The following PDE3B variants were observed in gnomAD, a reference collection of about 807,000 sequenced individuals.
PDE3B encodes the protein cGMP-inhibited 3',5'-cyclic phosphodiesterase 3B.
In PDE3B, 66 loss-of-function variants were observed where a neutral mutation model predicts 116.8. That is an observed-to-expected ratio of 0.56 (90% CI 0.46 to 0.69). The LOEUF (loss-of-function observed/expected upper bound fraction) is 0.69. Ranked by LOEUF, PDE3B falls within the 30% of genes least tolerant of loss-of-function variation. The pLI is 0.00. For synonymous variants in PDE3B, 595 were observed against 533.6 expected (o/e 1.12, Z -1.59); for missense variants, 1,384 against 1,368.1 (o/e 1.01, Z -0.18).
downstream of PDE3B, among the ~76,000 whole-genome samples, chr11:14,874,865 C>A (rs552075503): frequency 6.6e-6 from 1 of 152,220 alleles, no homozygotes; most frequent in South Asian, 2.1e-4. Context: ...CAAGGCTAGT[C>A]CTTTTGTTGA....
chr11:14,741,823 G>T (rs1409836743), intron 1 of PDE3B, among the ~76,000 whole-genome samples: 3 of 152,184 alleles, frequency 2.0e-5, no homozygotes, highest in East Asian at 3.9e-4. Context: ...GTCTGTAAAG[G>T]ATTTTATTTT....
intron 2 of PDE3B, among the ~76,000 whole-genome samples, chr11:14,782,766 T>G (rs1219978818): frequency 6.6e-6 from 1 of 152,136 alleles, no homozygotes; most frequent in Admixed American, 6.6e-5. Flanking sequence ...AAATGGGATC[T>G]AATTAAACTA....
In PDE3B at chr11:14,708,772, T is replaced by TTA. The variant is rs747025383; in HGVS notation, c.979-63152_979-63151dup. On this transcript the variant is annotated intron_variant, in intron 1 of 15. Transcript: ENST00000282096. Reference sequence around the variant, plus strand: ...TACTCTAAAAAAGTTCAGGGGTGAATTATATATATATATAGAGAGAGAGAA... The same window carrying TTA: ...TACTCTAAAAAAGTTCAGGGGTGAATTATATATATATATATAGAGAGAGAGAA... Among the ~76,000 whole-genome samples the TTA allele has an allele frequency of 1.7e-3, 251 of 151,000 alleles. 1 individual carries two copies. Among genetic ancestry groups the TTA allele is most frequent in the African/African-American group, 2.2e-3 (91 of 41,204 alleles).
chr11:14,761,907 T>C (rs574269131), intron 1 of PDE3B, among the ~76,000 whole-genome samples: 4 of 152,174 alleles, frequency 2.6e-5, no homozygotes, highest in Non-Finnish European at 5.9e-5. Flanking sequence ...GAATATAAAT[T>C]GAGTTTTTAA....
chr11:14,879,990 CTT>C, the PDE3B span: 48 of 797,416 alleles, frequency 6.0e-5, 3 homozygotes, highest in South Asian at 1.1e-3. Context: ...TTTGAAAACT[CTT>C]TTTTGTAACT....
At chr11:14,892,772 C>A in the PDE3B span, among the ~76,000 whole-genome samples, 1 of 152,182 alleles carries the variant, frequency 6.6e-6, no homozygotes, top group Admixed American at 6.5e-5. Flanking sequence ...TGTGTGTGAT[C>A]TTTTAATAAT....
intron 1 of PDE3B, among the ~76,000 whole-genome samples, chr11:14,722,120 G>A (rs549576745): frequency 4.7e-5 from 7 of 150,342 alleles, no homozygotes; most frequent in Non-Finnish European, 8.9e-5. Flanking sequence ...GAGAACACAT[G>A]GACACAGGAA....
the PDE3B span, among the ~76,000 whole-genome samples, chr11:14,898,187 C>T: frequency 1.3e-5 from 2 of 151,854 alleles, no homozygotes; most frequent in African/African-American, 2.4e-5. Flanking sequence ...TCGGTGGATT[C>T]ATCGGACAAC....
chr11:14,748,024 G>A (rs1269305595), intron 1 of PDE3B, among the ~76,000 whole-genome samples: 1 of 152,144 alleles, frequency 6.6e-6, no homozygotes, highest in Non-Finnish European at 1.5e-5. Flanking sequence ...ACATAGTATA[G>A]CATTTCCTTT....
At chr11:14,881,498 A>T in the PDE3B span, among the ~76,000 whole-genome samples, 1 of 152,088 alleles carries the variant, frequency 6.6e-6, no homozygotes, top group Admixed American at 6.6e-5. Context: ...AATTTCACTC[A>T]TTACTGGGAC....
At chr11:14,766,550 C>A (rs1417917106) in intron 1 of PDE3B, among the ~76,000 whole-genome samples, 1 of 151,556 alleles carries the variant, frequency 6.6e-6, no homozygotes, top group Non-Finnish European at 1.5e-5. Context: ...CCAAAGCACA[C>A]TGAAAAGATG....
intron 1 of PDE3B, among the ~76,000 whole-genome samples, chr11:14,735,441 A>G (rs959737441): frequency 2.0e-5 from 3 of 152,168 alleles, no homozygotes; most frequent in African/African-American, 7.2e-5. Flanking sequence ...ATTACAAGAT[A>G]TATCCTATAT....
At chr11:14,670,589 A>G (rs1282093762) in intron 1 of PDE3B, among the ~76,000 whole-genome samples, 1 of 152,144 alleles carries the variant, frequency 6.6e-6, no homozygotes, top group Non-Finnish European at 1.5e-5. Flanking sequence ...CTCATGAGAT[A>G]ATGATTTACA....
chr11:14,736,724 C>T (rs532071283), intron 1 of PDE3B, among the ~76,000 whole-genome samples: 1 of 152,022 alleles, frequency 6.6e-6, no homozygotes, highest in Non-Finnish European at 1.5e-5. Context: ...TTCTGGAATA[C>T]TGGAGATAGA....
chr11:14,812,082 C>T (rs1859153924), intron 5 of PDE3B, among the ~76,000 whole-genome samples: 1 of 151,904 alleles, frequency 6.6e-6, no homozygotes, highest in Non-Finnish European at 1.5e-5. Context: ...GACAGTGGTC[C>T]CTTGTGACTA....
chr11:14,808,400 C>A (rs191056074), intron 5 of PDE3B, among the ~76,000 whole-genome samples: 1 of 152,190 alleles, frequency 6.6e-6, no homozygotes, highest in Non-Finnish European at 1.5e-5. Context: ...TGCAAAGATA[C>A]AAGAAATTTT....
chr11:14,882,145 T>C, the PDE3B span, among the ~76,000 whole-genome samples: 1 of 152,124 alleles, frequency 6.6e-6, no homozygotes. Flanking sequence ...TTAACATGTA[T>C]TTGTGGAACA....
chr11:14,878,014 C>CT, the PDE3B span: 1 of 1,221,888 alleles, frequency 8.2e-7, no homozygotes, highest in Non-Finnish European at 1.2e-6. Context: ...GTTCATTTGG[C>CT]TTTTTGATGC....
At chr11:14,740,005 C>T (rs1027535688) in intron 1 of PDE3B, among the ~76,000 whole-genome samples, 8 of 152,070 alleles carry the variant, frequency 5.3e-5, no homozygotes, top group African/African-American at 1.9e-4. Context: ...TTCGGTTTGC[C>T]AGTATTTTAT....
Sources: allele counts gnomAD v4.1 joint callset (sites outside exome capture counted in the v4.1 genomes callset), GRCh38; gene constraint gnomAD v4.1.1; transcripts MANE v1.5; gene names NCBI Gene and HGNC (gene_info 2026-07-23, HGNC 2026-07-21).